Variants in RSRP1 observed in about 807,000 individuals in gnomAD.
The protein encoded by RSRP1 is arginine and serine rich protein 1.
RSRP1 carries 37 observed loss-of-function variants against 33.0 expected under a neutral mutation model. The ratio of observed to expected loss-of-function variants is 1.12; its 90% CI spans 0.86 to 1.48. The LOEUF is 1.48. Ranked by LOEUF, RSRP1 falls within the 40% of genes most tolerant of loss-of-function variation. RSRP1 has a pLI of 0.00. For missense variants in RSRP1, 402 were observed against 385.3 expected (o/e 1.04, Z -0.36); for synonymous variants, 167 against 158.7 (o/e 1.05, Z -0.40).
Position 25,319,696 on chromosome 1 carries a change from C to G in RSRP1, c.-67+18282G>C, listed in dbSNP as rs568422144. ...TTGCACCAAATGGACTCCCAGAAGA[C>G]AAGCATTTAATTTGTTAATTGAGCC... On this transcript the variant is annotated intron_variant, in intron 1 of 1. Coordinates refer to the RSRP1 transcript ENST00000561867. 3.8e-5 allele frequency among the ~76,000 whole-genome samples: 5 copies of G among 132,302 alleles called. 1 individual carries two copies. Among genetic ancestry groups the G allele is most frequent in the East Asian group, 2.0e-4 (1 of 5,120 alleles). 86.8% of individuals were successfully genotyped at this position (132,302 alleles called of 152,430 possible).
chr1:25,332,387 A>G (rs1571784242), intron 1 of RSRP1, among the ~76,000 whole-genome samples: 1 of 132,040 alleles, frequency 7.6e-6, no homozygotes, highest in South Asian at 2.3e-4. Flanking sequence ...TCAATTAACT[A>G]TAATAGCTAT....
Position 25,297,047 on chromosome 1 carries a change from A to G in RSRP1, c.-67+40931T>C, listed in dbSNP as rs780029149. Among the ~76,000 whole-genome samples the G allele has an allele frequency of 3.0e-4, 40 of 131,282 alleles. 9 individuals are homozygous for G. Among genetic ancestry groups the G allele is most frequent in the Non-Finnish European group, 5.9e-4 (33 of 55,896 alleles). 86.1% of individuals were successfully genotyped at this position (131,282 alleles called of 152,430 possible). ...TCTCATTTCACCAATTTTCTCAATA[A>G]TATCTTTTCTAGAAAAAAATATATA... On this transcript the variant is annotated intron_variant, in intron 1 of 1. Transcript: ENST00000561867.
chr1:25,299,640 G>C (rs1477625962), intron 1 of RSRP1, among the ~76,000 whole-genome samples: 2 of 130,696 alleles, frequency 1.5e-5, no homozygotes, highest in Admixed American at 1.5e-4. Context: ...CGAGAGGTCA[G>C]GTGAGAGTGG....
chr1:25,258,531 C>T lies in RSRP1; in HGVS notation c.-66-11502G>A, dbSNP rs186487950. Among the ~76,000 whole-genome samples, 298 of 152,186 alleles carry T rather than the reference C, an allele frequency of 2.0e-3. 1 individual carries two copies. Among genetic ancestry groups the T allele is most frequent in the African/African-American group, 6.5e-3 (269 of 41,524 alleles). ...GACTTTTTGGAAGACCCTGTCATTGCGTTTGTGAGACTGGCTCCTGCTGTC... is the reference window on the plus strand; with the variant it reads ...GACTTTTTGGAAGACCCTGTCATTGTGTTTGTGAGACTGGCTCCTGCTGTC... On this transcript the variant is annotated intron_variant, in intron 1 of 1. Coordinates refer to the RSRP1 transcript ENST00000561867.
At chr1:25,259,659 C>T (rs1475459195) in intron 1 of RSRP1, among the ~76,000 whole-genome samples, 4 of 152,030 alleles carry the variant, frequency 2.6e-5, no homozygotes, top group African/African-American at 9.7e-5. Flanking sequence ...CACACTACCA[C>T]GCCCAGCTAA....
intron 1 of RSRP1, among the ~76,000 whole-genome samples, chr1:25,271,326 A>G (rs1640503026): frequency 7.7e-6 from 1 of 130,226 alleles, no homozygotes; most frequent in African/African-American, 2.6e-5. Context: ...AATTGTTTTC[A>G]AGACATTTCT....
chr1:25,305,112 T>C lies in RSRP1; in HGVS notation c.-67+32866A>G, dbSNP rs1370382869. Reference sequence around the variant, plus strand: ...CATCTGAGCTAGCCTGGGATGGGTCTGGAAATGCTTCCTGGAGCAGAGGAA... The same window carrying C: ...CATCTGAGCTAGCCTGGGATGGGTCCGGAAATGCTTCCTGGAGCAGAGGAA... On this transcript the variant is annotated intron_variant, in intron 1 of 1. Transcript: ENST00000561867. Among the ~76,000 whole-genome samples, 3 of 132,364 alleles carry C rather than the reference T, an allele frequency of 2.3e-5. 1 individual carries two copies. Among genetic ancestry groups the C allele is most frequent in the East Asian group, 1.9e-4 (1 of 5,148 alleles). 86.8% of individuals were successfully genotyped at this position (132,364 alleles called of 152,430 possible).
Position 25,297,156 on chromosome 1 carries a change from T to G in RSRP1, c.-67+40822A>C, listed in dbSNP as rs369903622. ...CAATCTGGAGCAGTTTCTTCATCTT[T>G]CTTTATCTTTCATGACCTTGACATG... is the stretch of plus-strand genomic sequence containing the variant. On this transcript the variant is annotated intron_variant, in intron 1 of 1. Transcript: ENST00000561867. 4.7e-3 allele frequency among the ~76,000 whole-genome samples: 470 copies of G among 100,934 alleles called. 53 individuals are homozygous for G. Among genetic ancestry groups the G allele is most frequent in the African/African-American group, 0.014 (444 of 30,684 alleles). The allele number at this position is 100,934 out of a possible 152,430, so 66.2% of individuals were successfully genotyped here. A position where few individuals can be genotyped will look rare whatever the true frequency, so the allele number is the denominator to read the frequency against.
chr1:25,279,052 G>T lies in RSRP1; in HGVS notation c.-66-32023C>A, dbSNP rs181240449. 9.2e-3 allele frequency among the ~76,000 whole-genome samples: 1,189 copies of T among 129,802 alleles called. 203 individuals carry two copies. Among genetic ancestry groups the T allele is most frequent in the African/African-American group, 0.028 (1,041 of 37,514 alleles). 85.2% of individuals were successfully genotyped at this position (129,802 alleles called of 152,430 possible). ...CAGAAGGAGGGGCAAGAGTGGGAGG[G>T]GGCGCAGATCCAGAATCACGGAGGC... is the stretch of plus-strand genomic sequence containing the variant. On this transcript the variant is annotated intron_variant, in intron 1 of 1. Transcript: ENST00000561867.
chr1:25,313,328 C>A lies in RSRP1; in HGVS notation c.-67+24650G>T, dbSNP rs374340635. Among the ~76,000 whole-genome samples, 48 of 132,534 alleles carry A rather than the reference C, an allele frequency of 3.6e-4. 5 individuals are homozygous for A. The highest frequency in any genetic ancestry group is 1.0e-3 in the Admixed American group (14 of 13,618). The allele number at this position is 132,534 out of a possible 152,430, so 86.9% of individuals were successfully genotyped here. ...CCTCCAGAACCATGAGCTATATATA[C>A]TTATTTTACAAATTACCCATTCTGT... On this transcript the variant is annotated intron_variant, in intron 1 of 1. Coordinates refer to the RSRP1 transcript ENST00000561867.
At chr1:25,301,875 A>T (rs1643417571) in intron 1 of RSRP1, among the ~76,000 whole-genome samples, 1 of 131,472 alleles carries the variant, frequency 7.6e-6, no homozygotes, top group East Asian at 2.0e-4. Flanking sequence ...GACTCAGGAG[A>T]CTGTCCAGTG....
intron 1 of RSRP1, among the ~76,000 whole-genome samples, chr1:25,281,348 C>A (rs1330413942): frequency 7.6e-6 from 1 of 130,888 alleles, no homozygotes; most frequent in African/African-American, 2.7e-5. Context: ...CCCTCACAGG[C>A]TCTCTCTGGT....
intron 1 of RSRP1, among the ~76,000 whole-genome samples, chr1:25,273,671 G>T (rs1640694326): frequency 8.5e-6 from 1 of 116,984 alleles, no homozygotes; most frequent in African/African-American, 2.9e-5. Flanking sequence ...CTGTAAATAA[G>T]ACAGATGTCC....
rs578227903 is a variant in RSRP1, at chr1:25,243,452, A to G, written c.756+98T>C. 5 of 1,434,922 alleles carry G rather than the reference A, an allele frequency of 3.5e-6. No individual in the cohort carries two copies. The East Asian group carries it at 9.4e-5, about 27-fold the overall frequency. The allele number at this position is 1,434,922 out of a possible 1,614,324, so 88.9% of individuals were successfully genotyped here. ...TTTAATTCTATTTAAAAAGTGTGTC[A>G]GTAGGCCCCCAACTATCACCACAAA... On this transcript the variant is annotated intron_variant, in intron 4 of 4. Coordinates refer to ENST00000243189, the MANE Select transcript of RSRP1 (RefSeq NM_020317.5).
upstream of RSRP1, among the ~76,000 whole-genome samples, chr1:25,250,584 A>G (rs1450608932): frequency 3.3e-5 from 5 of 152,238 alleles, no homozygotes; most frequent in Non-Finnish European, 7.3e-5. Context: ...AGGTGACAAA[A>G]GGAATTATGC....
intron 1 of RSRP1, among the ~76,000 whole-genome samples, chr1:25,255,603 G>A (rs1042105898): frequency 6.6e-6 from 1 of 152,112 alleles, no homozygotes; most frequent in African/African-American, 2.4e-5. Context: ...GATGATTCAA[G>A]TGCATTACAT....
rs1644562251 is a variant in RSRP1, at chr1:25,319,069, T to A, written c.-67+18909A>T. Among the ~76,000 whole-genome samples the A allele has an allele frequency of 1.5e-5, 2 of 132,326 alleles. 1 individual carries two copies. Among genetic ancestry groups the A allele is most frequent in the Non-Finnish European group, 3.6e-5 (2 of 55,794 alleles). The allele number at this position is 132,326 out of a possible 152,430, so 86.8% of individuals were successfully genotyped here. On this transcript the variant is annotated intron_variant, in intron 1 of 1. Coordinates refer to the RSRP1 transcript ENST00000561867. The stretch of plus-strand genomic sequence containing the variant: ...TAGCAAAAATGCAAGGTGTCTGTTT[T>A]TAAATTTGAAATGAATTGGGTATCC...
intron 1 of RSRP1, chr1:25,301,410 G>C (rs1571668835): frequency 1.9e-6 from 2 of 1,043,016 alleles, no homozygotes; most frequent in Non-Finnish European, 2.9e-6. Context: ...CTAACTCTAA[G>C]TGACAAGGCT....
chr1:25,299,310 G>A (rs1407002170), intron 1 of RSRP1, among the ~76,000 whole-genome samples: 1 of 130,470 alleles, frequency 7.7e-6, no homozygotes, highest in East Asian at 2.0e-4. Context: ...TGAACCCAAC[G>A]GGTGGAGGTT....
Sources: allele counts gnomAD v4.1 joint callset (sites outside exome capture counted in the v4.1 genomes callset), GRCh38; gene constraint gnomAD v4.1.1; transcripts MANE v1.5; gene names NCBI Gene and HGNC (gene_info 2026-07-23, HGNC 2026-07-21).